The following ALPK2 variants were observed in gnomAD, a reference collection of about 807,000 sequenced individuals.
ALPK2 encodes the protein alpha kinase 2.
A neutral mutation model predicts 163.1 loss-of-function variants in ALPK2; 127 were observed. That is an observed-to-expected ratio of 0.78 (90% CI 0.67 to 0.90). The LOEUF is 0.90. Ranked by LOEUF, ALPK2 falls within the 40% of genes least tolerant of loss-of-function variation. The probability of loss-of-function intolerance (pLI) is 0.00; values close to 1 mark genes in which losing one functional copy is unlikely to be tolerated. For missense variants in ALPK2, 2,360 were observed against 2,589.6 expected (o/e 0.91, Z 1.92); for synonymous variants, 953 against 959.1 (o/e 0.99, Z 0.12).
At chr18:58,595,955 T>A (rs2052038522) in intron 3 of ALPK2, among the ~76,000 whole-genome samples, 1 of 152,140 alleles carries the variant, frequency 6.6e-6, no homozygotes, top group Admixed American at 6.5e-5. Flanking sequence ...GCTTGGTGAC[T>A]CCAACGTTTC....
At chr18:58,557,714 ATTGGAT>A (rs1313506820) in intron 4 of ALPK2, among the ~76,000 whole-genome samples, 517 of 39,914 alleles carry the variant, frequency 0.013, 1 homozygote, top group African/African-American at 0.04. Flanking sequence ...ATATTTTGTC[ATTGGAT>A]TGTATTTATA....
Position 58,535,057 on chromosome 18 carries a change from C to A in ALPK2, c.5130G>T (p.Glu1710Asp), listed in dbSNP as rs752626318. 24 of 1,614,058 alleles carry A rather than the reference C, an allele frequency of 1.5e-5. No individual in the cohort carries two copies. Among genetic ancestry groups the A allele is most frequent in the Non-Finnish European group, 2.0e-5 (24 of 1,179,992 alleles). ...GTLTAVTGSE[E>D]VKRKPEAPGS... ...CTGGGGCTTCTGGCTTCCTCTTGAC[C>A]TCCTCTGACCCCGTCACTGCTGTGA... The change falls in exon 5 of 13, where the codon GAG becomes GAT. Residue 1710 changes from glutamate to aspartate, a missense_variant. Transcript: ENST00000361673.
intron 1 of ALPK2, among the ~76,000 whole-genome samples, chr18:58,622,222 C>T (rs1013922472): frequency 6.6e-6 from 1 of 152,182 alleles, no homozygotes; most frequent in African/African-American, 2.4e-5. Flanking sequence ...TGGCACACAC[C>T]TGTAATCCCA....
chr18:58,573,613 C>CTTTTTTTTTTTTTTTTTTT (rs778622176), intron 4 of ALPK2, among the ~76,000 whole-genome samples: 5 of 51,730 alleles, frequency 9.7e-5, no homozygotes, highest in African/African-American at 3.9e-4. Context: ...TTTTTGTCTT[C>CTTTTTTTTTTTTTTTTTTT]TTTTTTTTTT....
At chr18:58,582,265 T>A (rs1343156469) in intron 3 of ALPK2, among the ~76,000 whole-genome samples, 2 of 152,198 alleles carry the variant, frequency 1.3e-5, no homozygotes, top group Non-Finnish European at 2.9e-5. Context: ...ACCAGACGAA[T>A]TCTTCAAGAA....
chr18:58,550,873 T>TC (rs2051755585), intron 4 of ALPK2, among the ~76,000 whole-genome samples: 1 of 147,154 alleles, frequency 6.8e-6, no homozygotes, highest in South Asian at 2.2e-4. Context: ...CATCCCCACC[T>TC]CCATCACATA....
At position 58,578,744 on chromosome 18, in the gene ALPK2, A is replaced by ACACGCGCGCG. The variant is rs1568091161; in HGVS notation, c.1962+69_1962+70insCGCGCGCGTG. On this transcript the variant is annotated intron_variant, in intron 4 of 12. Coordinates refer to ENST00000361673, the MANE Select transcript of ALPK2 (RefSeq NM_052947.4). ...GAAGTAAAGGAAGAGACACACACAC[A>ACACGCGCGCG]CACACACACACACACACACACACAC... 5.2e-6 allele frequency: 4 copies of ACACGCGCGCG among 769,548 alleles called. No homozygotes were observed. In the African/African-American group the frequency reaches 7.4e-5, roughly 14 times the overall value. 47.7% of individuals were successfully genotyped at this position (769,548 alleles called of 1,614,324 possible).
chr18:58,613,884 T>A lies in ALPK2; in HGVS notation c.-20-2067A>T, dbSNP rs79649611. Among the ~76,000 whole-genome samples, 1,376 of 152,244 alleles carry A rather than the reference T, an allele frequency of 9.0e-3. 16 individuals carry two copies. Among genetic ancestry groups the A allele is most frequent in the Middle Eastern group, 0.041 (12 of 294 alleles). On this transcript the variant is annotated intron_variant, in intron 1 of 12. Coordinates refer to ENST00000361673, the MANE Select transcript of ALPK2 (RefSeq NM_052947.4). Reference sequence around the variant, plus strand: ...ATGCCTCTAGTGCTTTCTTTTGAGATCACTCCTGCTGCTTTGGAAGTTCCC... The same window carrying A: ...ATGCCTCTAGTGCTTTCTTTTGAGAACACTCCTGCTGCTTTGGAAGTTCCC...
At chr18:58,547,532 C>A (rs919722452) in intron 4 of ALPK2, among the ~76,000 whole-genome samples, 10 of 152,242 alleles carry the variant, frequency 6.6e-5, no homozygotes, top group Admixed American at 2.0e-4. Context: ...TATGGTTCAT[C>A]CTGCAGAGTC....
At chr18:58,502,134 C>CCACACACA (rs71173056) in intron 11 of ALPK2, among the ~76,000 whole-genome samples, 330 of 118,798 alleles carry the variant, frequency 2.8e-3, no homozygotes, top group African/African-American at 5.0e-3. Context: ...AACCCCATCT[C>CCACACACA]CACACACACA....
intron 4 of ALPK2, among the ~76,000 whole-genome samples, chr18:58,560,913 A>G (rs1297955381): frequency 1.3e-5 from 2 of 152,258 alleles, no homozygotes; most frequent in Non-Finnish European, 2.9e-5. Context: ...CCTATGCCCC[A>G]GAATGGCCAG....
Position 58,535,472 on chromosome 18 carries a change from A to C in ALPK2, c.4715T>G (p.Ile1572Arg), listed in dbSNP as rs367640256. ...GQIHDVPEND[I>R]VEPRKRQYVF... is the part of the protein sequence containing the mutation. The stretch of plus-strand genomic sequence containing the variant: ...ATACTGACGCTTTCTGGGCTCAACT[A>C]TGTCATTTTCAGGGACGTCATGAAT... Residue 1572 changes from isoleucine (I) to arginine (R), a missense_variant, in exon 5 of 13, where the codon ATA becomes AGA. Transcript: ENST00000361673. 6.2e-7 allele frequency: 1 copy of C among 1,614,130 alleles called. No homozygotes were observed. The highest frequency in any genetic ancestry group is 1.3e-5 in the African/African-American group (1 of 75,032).
At chr18:58,620,062 G>A (rs2052190212) in intron 1 of ALPK2, among the ~76,000 whole-genome samples, 1 of 152,176 alleles carries the variant, frequency 6.6e-6, no homozygotes. Context: ...AGGCTGAGGT[G>A]GGCAGATCGC....
At chr18:58,510,477 A>G (rs4556874) in intron 10 of ALPK2, among the ~76,000 whole-genome samples, 142,295 of 152,230 alleles carry the variant, frequency 0.93, 67,220 homozygotes, top group East Asian at 1. Context: ...ACCTTGGGCA[A>G]TATGGCCATT....
chr18:58,545,603 C>T (rs1026641913), intron 4 of ALPK2, among the ~76,000 whole-genome samples: 1 of 152,172 alleles, frequency 6.6e-6, no homozygotes, highest in Admixed American at 6.5e-5. Flanking sequence ...TCAGAAGCCC[C>T]GGGGCCAGGA....
intron 4 of ALPK2, among the ~76,000 whole-genome samples, chr18:58,573,318 G>A (rs988150898): frequency 3.3e-4 from 46 of 139,040 alleles, no homozygotes; most frequent in Non-Finnish European, 5.1e-4. Context: ...ATATATGTGT[G>A]TATATATGTA....
chr18:58,509,570 G>A (rs1351407955), intron 10 of ALPK2, among the ~76,000 whole-genome samples: 33 of 151,700 alleles, frequency 2.2e-4, no homozygotes, highest in Admixed American at 2.6e-4. Context: ...TTTAATGATC[G>A]CCATTCTAAC....
At chr18:58,527,287 C>A (rs879403807) in intron 6 of ALPK2, among the ~76,000 whole-genome samples, 1 of 152,184 alleles carries the variant, frequency 6.6e-6, no homozygotes, top group Non-Finnish European at 1.5e-5. Flanking sequence ...CATTTGAAAA[C>A]CCACTTGAAA....
At chr18:58,512,036 C>T (rs1362554354) in intron 10 of ALPK2, 7 of 152,236 alleles carry the variant, frequency 4.6e-5, no homozygotes, top group African/African-American at 1.7e-4. Flanking sequence ...GGAGTGGGCA[C>T]ATTAGGACAG....
Sources: allele counts gnomAD v4.1 joint callset (sites outside exome capture counted in the v4.1 genomes callset), GRCh38; gene constraint gnomAD v4.1.1; transcripts MANE v1.5; gene names NCBI Gene and HGNC (gene_info 2026-07-23, HGNC 2026-07-21).